Variants in ALMS1 observed in about 807,000 individuals in gnomAD.
The protein encoded by ALMS1 is centrosome-associated protein ALMS1.
In ALMS1, 271 loss-of-function variants were observed where a neutral mutation model predicts 352.2. The observed-to-expected ratio is 0.77, with a 90% CI of 0.70 to 0.85. The LOEUF is 0.85. ALMS1 is among the 40% of genes least tolerant of loss of function. The pLI is 0.00. For missense variants in ALMS1, 5,445 were observed against 4,870.7 expected (o/e 1.12, Z -3.51); for synonymous variants, 1,865 against 1,761.2 (o/e 1.06, Z -1.48).
At chr2:73,573,914 A>G (rs1674998991) in intron 16 of ALMS1, among the ~76,000 whole-genome samples, 1 of 152,082 alleles carries the variant, frequency 6.6e-6, no homozygotes, top group African/African-American at 2.4e-5. Flanking sequence ...GTGAGCTACA[A>G]TATGATTTTT....
At position 73,449,514 on chromosome 2, in the gene ALMS1, C is replaced by G; in HGVS notation, c.2987C>G (p.Pro996Arg). 2 of 1,614,050 alleles carry G rather than the reference C, an allele frequency of 1.2e-6. No individual in the cohort carries two copies. The highest frequency in any genetic ancestry group is 1.7e-6 in the Non-Finnish European group (2 of 1,179,960). ...ACTGACCAGAAGACTGTCCCAACAC[C>G]AACAGTACCTTCAGGTTCCTTCTCA... ...GLTDQKTVPT[P>R]TVPSGSFSHR... is the part of the protein sequence containing the mutation. Residue 996 changes from proline to arginine, a missense_variant, in exon 8 of 23, where the codon CCA (proline) becomes CGA (arginine). Physicochemically the swap from Pro to Arg is moderately radical, Grantham distance 103. Coordinates refer to ENST00000613296, the MANE Select transcript of ALMS1 (RefSeq NM_001378454.1).
At chr2:73,562,141 TTGTATGTATGTA>T (rs3076386) in intron 15 of ALMS1, among the ~76,000 whole-genome samples, 2,542 of 151,320 alleles carry the variant, frequency 0.017, 71 homozygotes, top group African/African-American at 0.058. Flanking sequence ...GAACTTACAA[TTGTATGTATGTA>T]TGTATGTATG....
At chr2:73,585,822 G>A (rs955893815) in intron 16 of ALMS1, among the ~76,000 whole-genome samples, 110 of 145,162 alleles carry the variant, frequency 7.6e-4, no homozygotes, top group African/African-American at 2.7e-3. Flanking sequence ...ACTGCATCCC[G>A]GGTTCAAGCA....
At chr2:73,394,670 A>G (rs994335658) in intron 1 of ALMS1, among the ~76,000 whole-genome samples, 3 of 152,172 alleles carry the variant, frequency 2.0e-5, no homozygotes, top group South Asian at 2.1e-4. Context: ...GTTCATGAAC[A>G]TGGGATATCC....
intron 15 of ALMS1, among the ~76,000 whole-genome samples, chr2:73,564,001 G>A (rs1347407657): frequency 1.3e-5 from 2 of 151,724 alleles, no homozygotes; most frequent in African/African-American, 4.8e-5. Context: ...AAAACACCTG[G>A]GAATAATACA....
At position 73,572,728 on chromosome 2, in the gene ALMS1, G is replaced by A; in HGVS notation, c.10851G>A (p.Leu3617=). 1 of 1,614,082 alleles carries A rather than the reference G, an allele frequency of 6.2e-7. No homozygotes were observed. The change falls in exon 16 of 23, where the codon TTG becomes TTA. Residue 3617 remains leucine (L), a synonymous_variant. Coordinates refer to ENST00000613296, the MANE Select transcript of ALMS1 (RefSeq NM_001378454.1). ...AGAGGCAACAGAGACAGCCTGAGTT[G>A]GGTGACAGGAAAGAACTGTCCTTGG... ...ERQRQQRQPE[L]GDRKELSLVD...
intron 9 of ALMS1, among the ~76,000 whole-genome samples, chr2:73,489,397 T>C (rs751369632): frequency 3.3e-5 from 5 of 152,344 alleles, no homozygotes; most frequent in South Asian, 2.1e-4. Flanking sequence ...CTGTTTACTT[T>C]AGTGGAAATT....
At chr2:73,471,725 G>A (rs1019098148) in intron 9 of ALMS1, among the ~76,000 whole-genome samples, 1 of 151,906 alleles carries the variant, frequency 6.6e-6, no homozygotes, top group African/African-American at 2.4e-5. Context: ...AACAAGTGTT[G>A]GAGAGGATGT....
chr2:73,535,405 TAAC>T (rs997942408), intron 12 of ALMS1, among the ~76,000 whole-genome samples: 2 of 152,236 alleles, frequency 1.3e-5, no homozygotes, highest in African/African-American at 4.8e-5. Context: ...TGTTCATAAA[TAAC>T]AATGATGACT....
At position 73,386,124 on chromosome 2, in the gene ALMS1, A is replaced by G. The variant is rs771370849; in HGVS notation, c.256A>G (p.Arg86Gly). The G allele has an allele frequency of 3.2e-6, 5 of 1,576,508 alleles. No individual in the cohort carries two copies. Among genetic ancestry groups the G allele is most frequent in the African/African-American group, 1.4e-5 (1 of 73,974 alleles). The change falls in exon 1 of 23, where the codon AGG becomes GGG. Residue 86 changes from arginine to glycine, a missense_variant. Arg to Gly is a moderately radical substitution (Grantham distance 125). Transcript: ENST00000613296. ...GGCCTGGCTGCAGGCGCACCCCGGC[A>G]GGATTTTGCCTCCGCTGTCGCCCCC... is the stretch of plus-strand genomic sequence containing the variant. ...AKAWLQAHPGRILPPLSPPQH... is the reference protein window; with the variant it reads ...AKAWLQAHPGGILPPLSPPQH...
intron 21 of ALMS1, among the ~76,000 whole-genome samples, chr2:73,607,362 A>G (rs1050464211): frequency 5.3e-5 from 8 of 152,172 alleles, no homozygotes; most frequent in East Asian, 1.9e-4. Context: ...CGTATTTACA[A>G]TGAGAGTGCA....
intron 9 of ALMS1, chr2:73,456,626 A>C (rs1342481788): frequency 1.3e-5 from 2 of 152,202 alleles, no homozygotes. Flanking sequence ...TTTCTTAGAA[A>C]ACTATTCTCC....
At chr2:73,454,867 G>A (rs1460026879) in intron 8 of ALMS1, among the ~76,000 whole-genome samples, 1 of 152,130 alleles carries the variant, frequency 6.6e-6, no homozygotes, top group Non-Finnish European at 1.5e-5. Context: ...AGGAACTAAA[G>A]GGAGAGGTAA....
intron 10 of ALMS1, among the ~76,000 whole-genome samples, chr2:73,500,565 G>A (rs1288525854): frequency 6.6e-6 from 1 of 152,062 alleles, no homozygotes; most frequent in Non-Finnish European, 1.5e-5. Flanking sequence ...AGATTACTGG[G>A]ATGCTATGAC....
intron 10 of ALMS1, among the ~76,000 whole-genome samples, chr2:73,499,408 G>C (rs1419797038): frequency 2.0e-5 from 3 of 152,012 alleles, no homozygotes. Flanking sequence ...GTGGGGTATT[G>C]CTCAAGAAAT....
Position 73,451,747 on chromosome 2 carries a change from T to C in ALMS1, c.5220T>C (p.Ala1740=), listed in dbSNP as rs1016045650. Residue 1740 remains alanine (A), a synonymous_variant, in exon 8 of 23, where the codon GCT becomes GCC. Coordinates refer to ENST00000613296, the MANE Select transcript of ALMS1 (RefSeq NM_001378454.1). The stretch of plus-strand genomic sequence containing the variant: ...CTCAAGAAGCTCTGAAAGTTTCAGC[T>C]GTTCCTCAACCAGCTGACCAGAAGA... ...ELTQEALKVS[A]VPQPADQKTG... 1 of 1,614,126 alleles carries C rather than the reference T, an allele frequency of 6.2e-7. No homozygotes were observed. The highest frequency in any genetic ancestry group is 8.5e-7 in the Non-Finnish European group (1 of 1,180,008).
At chr2:73,394,133 T>C (rs549981567) in intron 1 of ALMS1, among the ~76,000 whole-genome samples, 1 of 152,162 alleles carries the variant, frequency 6.6e-6, no homozygotes, top group Admixed American at 6.5e-5. Flanking sequence ...GAGACACTCT[T>C]TTGATTAATA....
chr2:73,451,444 A>G lies in ALMS1; in HGVS notation c.4917A>G (p.Lys1639=). 1 of 1,613,894 alleles carries G rather than the reference A, an allele frequency of 6.2e-7. No individual in the cohort carries two copies. The highest frequency in any genetic ancestry group is 8.5e-7 in the Non-Finnish European group (1 of 1,179,950). The change falls in exon 8 of 23, where the codon AAA becomes AAG. Residue 1639 remains lysine (K), a synonymous_variant. Transcript: ENST00000613296. ...CTCTGCTAGACAGTCCTCTAAATAAAGAGGTTGTGAAAGTTTCAGCTGCTC... is the reference window on the plus strand; with the variant it reads ...CTCTGCTAGACAGTCCTCTAAATAAGGAGGTTGTGAAAGTTTCAGCTGCTC... The part of the protein sequence containing the change: ...RQALLDSPLN[K]EVVKVSAAPG...
intron 1 of ALMS1, among the ~76,000 whole-genome samples, chr2:73,404,144 C>A (rs1212042918): frequency 6.6e-6 from 1 of 152,226 alleles, no homozygotes; most frequent in African/African-American, 2.4e-5. Context: ...AGTGATCCAC[C>A]CGCCTTGGCC....
Sources: gnomAD v4.1 joint callset for allele counts (sites outside exome capture counted in the v4.1 genomes callset) on GRCh38, gnomAD v4.1.1 for gene constraint, MANE v1.5 for transcripts, NCBI Gene and HGNC (gene_info 2026-07-23, HGNC 2026-07-21) for gene names.